The following ADGRL3 variants were observed in gnomAD, a reference collection of about 807,000 sequenced individuals.
ADGRL3 encodes the protein adhesion G protein-coupled receptor L3.
A neutral mutation model predicts 153.5 loss-of-function variants in ADGRL3; 62 were observed. The ratio of observed to expected loss-of-function variants is 0.40; its 90% CI spans 0.33 to 0.50. The LOEUF is 0.50. Ranked by LOEUF, ADGRL3 falls within the 20% of genes least tolerant of loss-of-function variation. ADGRL3 has a pLI of 0.47. For missense variants in ADGRL3, 1,641 were observed against 1,859.4 expected (o/e 0.88, Z 2.16); for synonymous variants, 710 against 672.5 (o/e 1.06, Z -0.86).
At chr4:61,376,531 A>C (rs1016321911) in intron 1 of ADGRL3, among the ~76,000 whole-genome samples, 2 of 152,102 alleles carry the variant, frequency 1.3e-5, no homozygotes, top group African/African-American at 2.4e-5. Flanking sequence ...ACTACTTGTA[A>C]TGCAGAAGTA....
chr4:61,228,506 A>G (rs1417384353), intron 1 of ADGRL3, among the ~76,000 whole-genome samples: 1 of 152,158 alleles, frequency 6.6e-6, no homozygotes, highest in African/African-American at 2.4e-5. Context: ...AATAACCACT[A>G]TTTATATAGT....
chr4:61,904,296 T>C (rs1372551636), intron 11 of ADGRL3, among the ~76,000 whole-genome samples: 2 of 151,914 alleles, frequency 1.3e-5, no homozygotes, highest in East Asian at 1.9e-4. Flanking sequence ...TGTTGACACA[T>C]ATATGGGCAG....
chr4:61,650,682 G>C (rs1418675696), intron 5 of ADGRL3, among the ~76,000 whole-genome samples: 1 of 151,936 alleles, frequency 6.6e-6, no homozygotes, highest in African/African-American at 2.4e-5. Flanking sequence ...TGACTACCAA[G>C]TAAGCTAAAT....
chr4:61,569,091 C>T (rs1005100072), intron 4 of ADGRL3, among the ~76,000 whole-genome samples: 6 of 151,738 alleles, frequency 4.0e-5, no homozygotes, highest in African/African-American at 1.2e-4. Flanking sequence ...GGAGTGGGGC[C>T]GGAGATTTGT....
At chr4:61,589,101 C>T (rs1310337149) in intron 5 of ADGRL3, among the ~76,000 whole-genome samples, 1 of 152,010 alleles carries the variant, frequency 6.6e-6, no homozygotes, top group East Asian at 1.9e-4. Flanking sequence ...TTTGGAGTCA[C>T]TGAACTATAT....
At chr4:61,226,634 CTGTTTATTTGCCTTAT>C (rs1178402864) in intron 1 of ADGRL3, among the ~76,000 whole-genome samples, 1 of 152,054 alleles carries the variant, frequency 6.6e-6, no homozygotes, top group East Asian at 1.9e-4. Context: ...TATGTGATCT[CTGTTTATTTGCCTTAT>C]TGTATGGGAT....
chr4:61,240,183 GA>G (rs1754371523), intron 1 of ADGRL3, among the ~76,000 whole-genome samples: 1 of 152,104 alleles, frequency 6.6e-6, no homozygotes, highest in South Asian at 2.1e-4. Context: ...GCAGAAGGGT[GA>G]ATACTGTATC....
chr4:61,871,967 A>G (rs993752682), intron 9 of ADGRL3, among the ~76,000 whole-genome samples: 2 of 152,150 alleles, frequency 1.3e-5, no homozygotes, highest in African/African-American at 4.8e-5. Context: ...TTTCTTCTTT[A>G]TACTTACTAC....
In ADGRL3 at chr4:61,520,652, C is replaced by CTGTGTGTGTGTGTGTGTGTGTG. The variant is rs545112505; in HGVS notation, c.259+3146_259+3167dup. On this transcript the variant is annotated intron_variant, in intron 4 of 26. Transcript: ENST00000683033. ...TAGATGAGGAGGCTTCTATAAACCT[C>CTGTGTGTGTGTGTGTGTGTGTG]TGTGTGTGTGTGTGTGTGTGTGTGT... 3.8e-3 allele frequency among the ~76,000 whole-genome samples: 452 copies of CTGTGTGTGTGTGTGTGTGTGTG among 118,450 alleles called. 4 individuals carry two copies. The highest frequency in any genetic ancestry group is 8.4e-3 in the Admixed American group (99 of 11,770). 77.7% of individuals were successfully genotyped at this position (118,450 alleles called of 152,430 possible).
chr4:61,536,296 C>A (rs1349352249), intron 4 of ADGRL3, among the ~76,000 whole-genome samples: 1 of 151,994 alleles, frequency 6.6e-6, no homozygotes, highest in East Asian at 1.9e-4. Context: ...TGCTTTATCG[C>A]CAAGCATATG....
At chr4:61,677,010 C>A (rs1380992793) in intron 6 of ADGRL3, 75 bp downstream of exon 6, 3 of 935,622 alleles carry the variant, frequency 3.2e-6, no homozygotes, top group Non-Finnish European at 5.1e-6. Context: ...GACAAATATT[C>A]TCTATGAAAA....
At chr4:61,305,627 T>C (rs1164203845) in intron 1 of ADGRL3, among the ~76,000 whole-genome samples, 4 of 152,168 alleles carry the variant, frequency 2.6e-5, no homozygotes, top group Non-Finnish European at 5.9e-5. Flanking sequence ...ATCTATGTTA[T>C]TGACAAAGTC....
chr4:61,597,028 T>C (rs562067508), intron 5 of ADGRL3, among the ~76,000 whole-genome samples: 16 of 151,880 alleles, frequency 1.1e-4, no homozygotes, highest in African/African-American at 3.9e-4. Flanking sequence ...AAGTGAAGTG[T>C]GTTTTTTTTT....
At chr4:61,724,946 A>AT (rs767794157) in intron 6 of ADGRL3, among the ~76,000 whole-genome samples, 12 of 151,944 alleles carry the variant, frequency 7.9e-5, no homozygotes, top group Admixed American at 1.3e-4. Flanking sequence ...TGTGGAAACC[A>AT]TTTTTTTTCC....
intron 9 of ADGRL3, among the ~76,000 whole-genome samples, chr4:61,837,797 A>T (rs1453301316): frequency 6.6e-6 from 1 of 152,148 alleles, no homozygotes; most frequent in African/African-American, 2.4e-5. Flanking sequence ...CAACTTAAAA[A>T]TAATAGTCAT....
intron 6 of ADGRL3, among the ~76,000 whole-genome samples, chr4:61,718,850 A>G (rs1369632485): frequency 4.6e-5 from 7 of 152,200 alleles, no homozygotes; most frequent in Non-Finnish European, 8.8e-5. Flanking sequence ...CAGTGGTCCA[A>G]TAGAGCAAAG....
intron 9 of ADGRL3, among the ~76,000 whole-genome samples, chr4:61,831,911 G>C (rs1221419127): frequency 1.1e-4 from 16 of 151,584 alleles, no homozygotes. Context: ...GTCTCCGCTG[G>C]CTGGCAAAAA....
chr4:61,313,731 A>G (rs138185068), intron 1 of ADGRL3, among the ~76,000 whole-genome samples: 137 of 152,358 alleles, frequency 9.0e-4, no homozygotes, highest in African/African-American at 3.1e-3. Flanking sequence ...AAATAAATGT[A>G]AACTATACAT....
intron 9 of ADGRL3, among the ~76,000 whole-genome samples, chr4:61,876,596 T>C (rs1447657267): frequency 6.6e-6 from 1 of 151,952 alleles, no homozygotes; most frequent in Non-Finnish European, 1.5e-5. Context: ...ATTCAAACAA[T>C]TAGTGATATA....
Sources: gnomAD v4.1 joint callset for allele counts (sites outside exome capture counted in the v4.1 genomes callset) on GRCh38, gnomAD v4.1.1 for gene constraint, MANE v1.5 for transcripts, NCBI Gene and HGNC (gene_info 2026-07-23, HGNC 2026-07-21) for gene names.